ERAP1: variants seen among roughly 807,000 people sequenced by gnomAD.
ERAP1 encodes endoplasmic reticulum aminopeptidase 1, also known as adipocyte-derived leucine aminopeptidase.
Under a neutral mutation model 103.7 loss-of-function variants are expected in ERAP1, and 86 were observed. That is an observed-to-expected ratio of 0.83 (90% CI 0.70 to 0.99). The LOEUF (loss-of-function observed/expected upper bound fraction) is 0.99. Ranked by LOEUF, ERAP1 falls within the 50% of genes least tolerant of loss-of-function variation. The pLI is 0.00. For missense variants in ERAP1, 1,009 were observed against 1,128.4 expected (o/e 0.89, Z 1.52); for synonymous variants, 398 against 402.4 (o/e 0.99, Z 0.13).
chr5:96,880,111 C>A, the ERAP1 span: 2 of 1,614,126 alleles, frequency 1.2e-6, no homozygotes, highest in African/African-American at 1.3e-5. Context: ...TTTTGAGTTA[C>A]CCTGCTCATG....
At chr5:96,887,598 C>T in the ERAP1 span, among the ~76,000 whole-genome samples, 83,450 of 151,942 alleles carry the variant, frequency 0.55, 22,946 homozygotes, top group Admixed American at 0.6. Flanking sequence ...CCGTGCCCGA[C>T]AGTTTCCAAC....
At chr5:96,784,751 C>T (rs42398) in intron 13 of ERAP1, 121,331 of 152,668 alleles carry the variant, frequency 0.79, 48,727 homozygotes, top group Non-Finnish European at 0.85. Context: ...TGGTCAAAAC[C>T]ATGAGTTCCT....
chr5:96,917,740 G>A, the ERAP1 span: 17 of 563,520 alleles, frequency 3.0e-5, no homozygotes, highest in African/African-American at 4.0e-5. Flanking sequence ...CCCCGTCTCC[G>A]CTAAAAATAC....
At chr5:96,870,982 C>A in the ERAP1 span, among the ~76,000 whole-genome samples, 77 of 152,294 alleles carry the variant, frequency 5.1e-4, no homozygotes, top group African/African-American at 1.9e-3. Flanking sequence ...TTTCTGGCAA[C>A]GTTTATTTTC....
the ERAP1 span, among the ~76,000 whole-genome samples, chr5:96,831,945 GACT>G: frequency 6.6e-6 from 1 of 152,158 alleles, no homozygotes; most frequent in Non-Finnish European, 1.5e-5. Context: ...TGGACATATT[GACT>G]ACCACAGTGA....
At position 96,774,630 on chromosome 5, in the gene ERAP1, G is replaced by A. The variant is rs1773693887; in HGVS notation, c.*1766C>T. On this transcript the variant is annotated 3_prime_UTR_variant, in exon 19 of 19. Transcript: ENST00000443439. ...CAAAACTGAAAATCAATATTTCCAT[G>A]TTTCATTAATCAAGGCATAAAATAC... 3 of 985,082 alleles carry A rather than the reference G, an allele frequency of 3.0e-6. No individual in the cohort carries two copies. The highest frequency in any genetic ancestry group is 3.6e-6 in the Non-Finnish European group (3 of 829,708). 61.0% of individuals were successfully genotyped at this position (985,082 alleles called of 1,614,324 possible).
downstream of ERAP1, chr5:96,773,296 G>A (rs1773120682): frequency 6.5e-6 from 1 of 153,370 alleles, no homozygotes; most frequent in Admixed American, 6.5e-5. Context: ...CTTACAGTCA[G>A]CACAGAACAC....
the ERAP1 span, among the ~76,000 whole-genome samples, chr5:96,884,400 T>C: frequency 3.3e-5 from 5 of 152,200 alleles, no homozygotes; most frequent in African/African-American, 1.2e-4. Flanking sequence ...GAGACCCCTT[T>C]TGCAGTGGCA....
At chr5:96,889,297 C>T in the ERAP1 span, 1 of 1,614,054 alleles carries the variant, frequency 6.2e-7, no homozygotes, top group Non-Finnish European at 8.5e-7. Context: ...TATCCACTCT[C>T]CAAACTGGGT....
chr5:96,842,232 TTGTGCTGCTATAAACG>T, the ERAP1 span, among the ~76,000 whole-genome samples: 2 of 152,230 alleles, frequency 1.3e-5, no homozygotes, highest in Non-Finnish European at 2.9e-5. Flanking sequence ...CAATTGTGAA[TTGTGCTGCTATAAACG>T]TGTGTGCAAG....
chr5:96,901,424 T>C, the ERAP1 span: 1 of 1,466,782 alleles, frequency 6.8e-7, no homozygotes. Context: ...GTTTCTGGCA[T>C]CCAAGGAGAT....
chr5:96,848,258 C>T, the ERAP1 span, among the ~76,000 whole-genome samples: 8 of 152,058 alleles, frequency 5.3e-5, no homozygotes, highest in Non-Finnish European at 1.2e-4. Flanking sequence ...ACCATGTTGG[C>T]CAGGCTGGTC....
chr5:96,909,645 C>T, the ERAP1 span: 1 of 1,614,210 alleles, frequency 6.2e-7, no homozygotes, highest in Admixed American at 1.7e-5. Flanking sequence ...AGGGCTCAGT[C>T]TGGGACAGGA....
At chr5:96,794,149 A>T (rs1315243278) in intron 5 of ERAP1, among the ~76,000 whole-genome samples, 192 bp from the exon 6 acceptor site, 5 of 148,236 alleles carry the variant, frequency 3.4e-5, no homozygotes, top group African/African-American at 1.2e-4. Flanking sequence ...AAATGTGGCA[A>T]AGTCAGACTT....
At chr5:96,915,257 C>T in the ERAP1 span, among the ~76,000 whole-genome samples, 8 of 152,152 alleles carry the variant, frequency 5.3e-5, no homozygotes. Flanking sequence ...GATCCACCCA[C>T]CTCGGCCTCC....
At chr5:96,823,545 T>C in the ERAP1 span, among the ~76,000 whole-genome samples, 2 of 152,186 alleles carry the variant, frequency 1.3e-5, no homozygotes, top group African/African-American at 4.8e-5. Flanking sequence ...TCTTCATCCT[T>C]CACTCAAGTG....
chr5:96,909,025 A>C, the ERAP1 span: 1 of 1,614,092 alleles, frequency 6.2e-7, no homozygotes, highest in East Asian at 2.2e-5. Flanking sequence ...TGAAACAAGC[A>C]GCCCCGCACT....
At chr5:96,768,078 T>C in intron 19 of ERAP1, 1 of 930,278 alleles carries the variant, frequency 1.1e-6, no homozygotes, top group Non-Finnish European at 1.8e-6. Context: ...TATTTATTGA[T>C]TGATCTATCT....
chr5:96,857,125 C>G, the ERAP1 span, among the ~76,000 whole-genome samples: 2 of 152,186 alleles, frequency 1.3e-5, no homozygotes, highest in African/African-American at 4.8e-5. Flanking sequence ...CTTCTCTTTG[C>G]TTAGGATGTG....
Sources: gnomAD v4.1 joint callset for allele counts (sites outside exome capture counted in the v4.1 genomes callset) on GRCh38, gnomAD v4.1.1 for gene constraint, MANE v1.5 for transcripts, NCBI Gene and HGNC (gene_info 2026-07-23, HGNC 2026-07-21) for gene names.